Variants in DDX28 observed in about 807,000 individuals in gnomAD.
DDX28 encodes the protein DEAD-box helicase 28.
DDX28 carries 25 observed loss-of-function variants against 26.8 expected under a neutral mutation model. The observed-to-expected ratio is 0.93, with a 90% CI of 0.68 to 1.30. The LOEUF is 1.30. Ranked by LOEUF, DDX28 falls within the 50% of genes most tolerant of loss-of-function variation. The pLI is 0.00. For synonymous variants in DDX28, 370 were observed against 311.9 expected (o/e 1.19, Z -1.96); for missense variants, 790 against 695.1 (o/e 1.14, Z -1.53).
chr16:68,021,522 T>C lies in DDX28; in HGVS notation c.*58A>G, dbSNP rs766703563. Reference sequence around the variant, plus strand: ...CCCACTGACAAGTGTGGTCACCCACTCAAGATACTGGGAAAGATCCCTGTT... The same window carrying C: ...CCCACTGACAAGTGTGGTCACCCACCCAAGATACTGGGAAAGATCCCTGTT... On this transcript the variant is annotated 3_prime_UTR_variant, in exon 1 of 1. Transcript: ENST00000332395. 7 of 1,560,568 alleles carry C rather than the reference T, an allele frequency of 4.5e-6. No homozygotes were observed. The highest frequency in any genetic ancestry group is 6.1e-6 in the Non-Finnish European group (7 of 1,150,120).
rs748478292 is a variant in DDX28, at chr16:68,022,565, C to T, written c.638G>A (p.Arg213Gln). ...APRGLVLVPS[R>Q]ELAQQVRAVA... ...AGCCCGCACCTGTTGGGCCAATTCT[C>T]GGGAAGGAACAAGGACCAGGCCTCG... Residue 213 changes from arginine (R) to glutamine (Q), a missense_variant, in exon 1 of 1, where the codon CGA (arginine) becomes CAA (glutamine). Arg to Gln is a conservative substitution (Grantham distance 43). Coordinates refer to ENST00000332395, the MANE Select transcript of DDX28 (RefSeq NM_018380.4). 6.2e-7 allele frequency: 1 copy of T among 1,613,872 alleles called. No individual in the cohort carries two copies. Among genetic ancestry groups the T allele is most frequent in the African/African-American group, 1.3e-5 (1 of 74,946 alleles).
rs759851142 is a variant in DDX28 at position 68,021,610 on chromosome 16, C to T, written c.1593G>A (p.Ser531=). The T allele has an allele frequency of 8.7e-6, 14 of 1,613,792 alleles. No individual in the cohort carries two copies. Among genetic ancestry groups the T allele is most frequent in the African/African-American group, 6.7e-5 (5 of 74,912 alleles). ...TTGCTTGGGGCAAAGGCTCTTTCAC[C>T]GAGGATGCTAGTCCTGGAAGACTTC... ...RRRSLPGLAS[S]VKEPLPQAT The change falls in exon 1 of 1, where the codon TCG becomes TCA. Residue 531 remains serine, a synonymous_variant. Transcript: ENST00000332395.
Position 68,022,846 on chromosome 16 carries a change from C to T in DDX28, c.357G>A (p.Val119=). 2.5e-6 allele frequency: 4 copies of T among 1,570,202 alleles called. No homozygotes were observed. Among genetic ancestry groups the T allele is most frequent in the Non-Finnish European group, 2.6e-6 (3 of 1,158,178 alleles). Residue 119 remains valine (V), a synonymous_variant, in exon 1 of 1, where the codon GTG becomes GTA. Coordinates refer to ENST00000332395, the MANE Select transcript of DDX28 (RefSeq NM_018380.4). ...AGCTGCCCTTAGACGAGAGCTTTCG[C>T]ACCGCTGGCGCCTCCTGTTGCGCGC... ...IERAQQEAPA[V]RKLSSKGSFA...
chr16:68,021,394 A>T lies in DDX28; in HGVS notation c.*186T>A. The T allele has an allele frequency of 1.6e-6, 1 of 621,764 alleles. No homozygotes were observed. The highest frequency in any genetic ancestry group is 2.8e-6 in the Non-Finnish European group (1 of 359,490). 38.5% of individuals were successfully genotyped at this position (621,764 alleles called of 1,614,324 possible). A position where few individuals can be genotyped will look rare whatever the true frequency, so the allele number is the denominator to read the frequency against. On this transcript the variant is annotated 3_prime_UTR_variant, in exon 1 of 1. Transcript: ENST00000332395. ...GTCTTGCTAAAGACTACAGAAAGCC[A>T]TGCTCAGCAGCTTCTTCTCCAATGC... is the stretch of plus-strand genomic sequence containing the variant.
Position 68,022,986 on chromosome 16 carries a change from G to A in DDX28, c.217C>T (p.Arg73Trp). The A allele has an allele frequency of 1.9e-6, 3 of 1,553,876 alleles. No individual in the cohort carries two copies. The highest frequency in any genetic ancestry group is 1.9e-5 in the Admixed American group (1 of 52,414). The change falls in exon 1 of 1, where the codon CGG becomes TGG. Residue 73 changes from arginine (R) to tryptophan (W), a missense_variant. Physicochemically the swap from Arg to Trp is moderately radical, Grantham distance 101. Transcript: ENST00000332395. ...RPGPLLVSAR[R>W]PELNQPARLT... is the part of the protein sequence containing the mutation. ...CGCGCCGGCTGGTTCAACTCCGGCC[G>A]CCGCGCCGAAACCAGCAGCGGTCCG...
At position 68,022,768 on chromosome 16, in the gene DDX28, C is replaced by G; in HGVS notation, c.435G>C (p.Ala145=). 1 of 1,611,088 alleles carries G rather than the reference C, an allele frequency of 6.2e-7. No homozygotes were observed. The highest frequency in any genetic ancestry group is 8.5e-7 in the Non-Finnish European group (1 of 1,178,800). Residue 145 remains alanine, a synonymous_variant, in exon 1 of 1, where the codon GCG becomes GCC. Transcript: ENST00000332395. ...CGGTTGTGGGCTGAACGACTTCAGG[C>G]GCAGCCTCCTGTAGTGCGTGCAGCA... is the stretch of plus-strand genomic sequence containing the variant. ...PRVLHALQEA[A]PEVVQPTTVQ...
Position 68,021,677 on chromosome 16 carries a change from A to T in DDX28, c.1526T>A (p.Val509Glu). The T allele has an allele frequency of 6.2e-7, 1 of 1,614,222 alleles. No homozygotes were observed. Among genetic ancestry groups the T allele is most frequent in the Admixed American group, 1.7e-5 (1 of 60,014 alleles). ...CAGCTCAATCTTCTGAACCAGGCTC[A>T]CATCCCAGGGATGGGTCACAAAACT... ...VISFVTHPWD[V>E]SLVQKIELAA... The change falls in exon 1 of 1, where the codon GTG becomes GAG. Residue 509 changes from valine (V) to glutamate (E), a missense_variant. By Grantham distance (121) the Val-to-Glu change is moderately radical. Coordinates refer to ENST00000332395, the MANE Select transcript of DDX28 (RefSeq NM_018380.4).
rs533254712 is a variant in DDX28 at position 68,022,783 on chromosome 16, T to C, written c.420A>G (p.Ala140=). 91 of 1,605,290 alleles carry C rather than the reference T, an allele frequency of 5.7e-5. No homozygotes were observed. The Middle Eastern group carries it at 6.6e-4, about 12-fold the overall frequency. The change falls in exon 1 of 1, where the codon GCA becomes GCG. Residue 140 remains alanine (A), a synonymous_variant. Transcript: ENST00000332395. ...CGACTTCAGGCGCAGCCTCCTGTAGTGCGTGCAGCACACGGGGCTCCAGGC... is the reference window on the plus strand; with the variant it reads ...CGACTTCAGGCGCAGCCTCCTGTAGCGCGTGCAGCACACGGGGCTCCAGGC... The part of the protein sequence containing the change: ...DLGLEPRVLH[A]LQEAAPEVVQ...
At position 68,022,100 on chromosome 16, in the gene DDX28, G is replaced by A. The variant is rs771584754; in HGVS notation, c.1103C>T (p.Thr368Ile). 20 of 1,614,082 alleles carry A rather than the reference G, an allele frequency of 1.2e-5. No individual in the cohort carries two copies. Among genetic ancestry groups the A allele is most frequent in the Non-Finnish European group, 4.2e-6 (5 of 1,180,036 alleles). Residue 368 changes from threonine to isoleucine, a missense_variant, in exon 1 of 1, where the codon ACA (threonine) becomes ATA (isoleucine). Transcript: ENST00000332395. Reference sequence around the variant, plus strand: ...ATCTGCTCCCTTCAGTCTCAGAAATGTCTGTTTCACATGAGGCATGATACA... The same window carrying A: ...ATCTGCTCCCTTCAGTCTCAGAAATATCTGTTTCACATGAGGCATGATACA... The part of the protein sequence containing the change: ...LHCIMPHVKQ[T>I]FLRLKGADKV...
chr16:68,021,641 C>T lies in DDX28; in HGVS notation c.1562G>A (p.Arg521Gln), dbSNP rs559949943. 5.0e-5 allele frequency: 81 copies of T among 1,614,158 alleles called. No individual in the cohort carries two copies. The South Asian group carries it at 5.9e-4, about 12-fold the overall frequency. Residue 521 changes from arginine to glutamine, a missense_variant, in exon 1 of 1, where the codon CGA becomes CAA. By Grantham distance (43) the Arg-to-Gln change is conservative. Transcript: ENST00000332395. ...LVQKIELAARRRRSLPGLASS... is the reference protein window; with the variant it reads ...LVQKIELAARQRRSLPGLASS... Reference sequence around the variant, plus strand: ...TGCTAGTCCTGGAAGACTTCTCCTTCGGCGAGCCGCCAGCTCAATCTTCTG... The same window carrying T: ...TGCTAGTCCTGGAAGACTTCTCCTTTGGCGAGCCGCCAGCTCAATCTTCTG...
In DDX28 at chr16:68,021,880, C is replaced by T; in HGVS notation, c.1323G>A (p.Gln441=). 6.2e-7 allele frequency: 1 copy of T among 1,614,196 alleles called. No homozygotes were observed. The highest frequency in any genetic ancestry group is 1.1e-5 in the South Asian group (1 of 91,088). Residue 441 remains glutamine (Q), a synonymous_variant, in exon 1 of 1, where the codon CAG becomes CAA. Coordinates refer to ENST00000332395, the MANE Select transcript of DDX28 (RefSeq NM_018380.4). The stretch of plus-strand genomic sequence containing the variant: ...TGTCTCGGGAGCTCTTCTGGAAGGA[C>T]TGGAAGATTCCTACCCTCATCAAGG... ...MPALMRVGIF[Q]SFQKSSRDIL... is the part of the protein sequence containing the mutation.
At position 68,022,001 on chromosome 16, in the gene DDX28, A is replaced by G; in HGVS notation, c.1202T>C (p.Leu401Pro). The stretch of plus-strand genomic sequence containing the variant: ...AGTGCTGGAGCTATTACAGAACACC[A>G]GAACAGTTCCTGAGGGACCAGTCCT... ...AERTGPSGTV[L>P]VFCNSSSTVN... Residue 401 changes from leucine to proline, a missense_variant, in exon 1 of 1, where the codon CTG becomes CCG. Transcript: ENST00000332395. 6.2e-7 allele frequency: 1 copy of G among 1,614,232 alleles called. No homozygotes were observed.
chr16:68,022,946 C>G lies in DDX28; in HGVS notation c.257G>C (p.Arg86Pro). ...AGAGGCTAGCGGCGCGCGCTCCCAA[C>G]GGCCCAGTGTGAGGCGCGCCGGCTG... is the stretch of plus-strand genomic sequence containing the variant. ...LNQPARLTLG[R>P]WERAPLASQG... Residue 86 changes from arginine (R) to proline (P), a missense_variant, in exon 1 of 1, where the codon CGT becomes CCT. Transcript: ENST00000332395. 3 of 1,547,654 alleles carry G rather than the reference C, an allele frequency of 1.9e-6. No homozygotes were observed. Among genetic ancestry groups the G allele is most frequent in the African/African-American group, 1.4e-5 (1 of 73,380 alleles).
Position 68,022,849 on chromosome 16 carries a change from C to G in DDX28, c.354G>C (p.Ala118=), listed in dbSNP as rs759411290. The G allele has an allele frequency of 8.9e-6, 14 of 1,571,132 alleles. No homozygotes were observed. In the Admixed American group the frequency reaches 1.9e-4, roughly 21 times the overall value. ...TGCCCTTAGACGAGAGCTTTCGCAC[C>G]GCTGGCGCCTCCTGTTGCGCGCGCT... ...SIERAQQEAP[A]VRKLSSKGSF... Residue 118 remains alanine (A), a synonymous_variant, in exon 1 of 1, where the codon GCG becomes GCC. Coordinates refer to ENST00000332395, the MANE Select transcript of DDX28 (RefSeq NM_018380.4).
In DDX28 at chr16:68,021,303, G is replaced by T. The variant is rs899223093; in HGVS notation, c.*277C>A. The T allele has an allele frequency of 8.9e-6, 4 of 447,226 alleles. No homozygotes were observed. The highest frequency in any genetic ancestry group is 2.0e-5 in the African/African-American group (1 of 50,532). 27.7% of individuals were successfully genotyped at this position (447,226 alleles called of 1,614,324 possible). A position where few individuals can be genotyped will look rare whatever the true frequency, so the allele number is the denominator to read the frequency against. ...GCCCCGGTGCTAATTATTCTTAGGG[G>T]AGGCACATAAAAACATCATTTATTG... On this transcript the variant is annotated 3_prime_UTR_variant, in exon 1 of 1. Transcript: ENST00000332395.
At position 68,021,909 on chromosome 16, in the gene DDX28, G is replaced by A. The variant is rs1313715457; in HGVS notation, c.1294C>T (p.Pro432Ser). ...AAGATTCCTACCCTCATCAAGGCTG[G>A]CATTTGCCCCTGCAACCTTAGGTGT... is the stretch of plus-strand genomic sequence containing the variant. ...IQHLRLQGQM[P>S]ALMRVGIFQS... is the part of the protein sequence containing the mutation. Residue 432 changes from proline to serine, a missense_variant, in exon 1 of 1, where the codon CCA becomes TCA. Pro to Ser is a moderately conservative substitution (Grantham distance 74). Coordinates refer to ENST00000332395, the MANE Select transcript of DDX28 (RefSeq NM_018380.4). 22 of 1,614,086 alleles carry A rather than the reference G, an allele frequency of 1.4e-5. No individual in the cohort carries two copies. The highest frequency in any genetic ancestry group is 1.8e-5 in the Non-Finnish European group (21 of 1,180,036).
In DDX28 at chr16:68,021,678, C is replaced by CA; in HGVS notation, c.1524dup (p.Val509CysfsTer8). 6.2e-7 allele frequency: 1 copy of CA among 1,614,240 alleles called. No homozygotes were observed. The highest frequency in any genetic ancestry group is 8.5e-7 in the Non-Finnish European group (1 of 1,180,048). On this transcript the variant is annotated frameshift_variant, in exon 1 of 1. Transcript: ENST00000332395. LOFTEE classifies it high-confidence loss of function. ...AGCTCAATCTTCTGAACCAGGCTCA[C>CA]ATCCCAGGGATGGGTCACAAAACTG...
In DDX28 at chr16:68,023,023, C is replaced by T; in HGVS notation, c.180G>A (p.Val60=). The part of the protein sequence containing the change: ...QSRRRNLPRP[V]LVRPGPLLVS... Reference sequence around the variant, plus strand: ...CCAGCAGCGGTCCGGGTCGAACCAGCACCGGCCTCGGGAGGTTCCGCCGCC... The same window carrying T: ...CCAGCAGCGGTCCGGGTCGAACCAGTACCGGCCTCGGGAGGTTCCGCCGCC... The change falls in exon 1 of 1, where the codon GTG becomes GTA. Residue 60 remains valine, a synonymous_variant. Transcript: ENST00000332395. 1 of 1,584,352 alleles carries T rather than the reference C, an allele frequency of 6.3e-7. No individual in the cohort carries two copies. Among genetic ancestry groups the T allele is most frequent in the Non-Finnish European group, 8.5e-7 (1 of 1,173,460 alleles).
rs1469070849 is a variant in DDX28, at chr16:68,021,094, G to A, written c.*486C>T. ...CGCCCGTTTGTCTTGGGCATTGTTA[G>A]AGAGTAACTCTGTCTACTGCTAGTC... is the stretch of plus-strand genomic sequence containing the variant. On this transcript the variant is annotated 3_prime_UTR_variant, in exon 1 of 1. Coordinates refer to ENST00000332395, the MANE Select transcript of DDX28 (RefSeq NM_018380.4). Among the ~76,000 whole-genome samples the A allele has an allele frequency of 6.6e-6, 1 of 151,670 alleles. No homozygotes were observed. Among genetic ancestry groups the A allele is most frequent in the African/African-American group, 2.4e-5 (1 of 41,262 alleles).
Sources: allele counts gnomAD v4.1 joint callset (sites outside exome capture counted in the v4.1 genomes callset), GRCh38; gene constraint gnomAD v4.1.1; transcripts MANE v1.5; gene names NCBI Gene and HGNC (gene_info 2026-07-23, HGNC 2026-07-21).